The following KCTD10 variants were observed in gnomAD, a reference collection of about 807,000 sequenced individuals.
KCTD10 encodes the protein BTB/POZ domain-containing adapter for CUL3-mediated RhoA degradation protein 3.
KCTD10 carries 13 observed loss-of-function variants against 34.6 expected under a neutral mutation model. That is an observed-to-expected ratio of 0.38 (90% CI 0.24 to 0.60). The LOEUF is 0.60. Among genes scored for constraint, KCTD10 ranks in the 20% least tolerant of loss-of-function variants. The pLI, the probability that KCTD10 is intolerant of heterozygous loss-of-function variation, is 0.66. For missense variants in KCTD10, 256 were observed against 420.3 expected, an observed-to-expected ratio of 0.61 and a Z score of 3.42; for synonymous variants, 156 against 168.8, an observed-to-expected ratio of 0.92 and a Z score of 0.59.
At chr12:109,454,348 A>T (rs1872918623) in intron 6 of KCTD10, among the ~76,000 whole-genome samples, 1 of 152,208 alleles carries the variant, frequency 6.6e-6, no homozygotes, top group Non-Finnish European at 1.5e-5. Flanking sequence ...GCACTTGAGA[A>T]CTGACAAATA....
chr12:109,474,134 C>T (rs917158177), intron 1 of KCTD10, among the ~76,000 whole-genome samples: 1 of 152,050 alleles, frequency 6.6e-6, no homozygotes, highest in Non-Finnish European at 1.5e-5. Context: ...AGGCTGGTCT[C>T]GAACTCCCGA....
intron 2 of KCTD10, among the ~76,000 whole-genome samples, chr12:109,463,215 C>T (rs7967695): frequency 0.037 from 5,631 of 152,252 alleles, 381 homozygotes; most frequent in African/African-American, 0.13. Flanking sequence ...TTGGGAAGAC[C>T]CAGGGCCCTG....
intron 1 of KCTD10, among the ~76,000 whole-genome samples, chr12:109,474,079 C>T (rs564765187): frequency 6.6e-6 from 1 of 152,068 alleles, no homozygotes; most frequent in Non-Finnish European, 1.5e-5. Flanking sequence ...CCGCGACTGG[C>T]TAATTTTGTA....
chr12:109,474,235 G>A (rs1319687963), intron 1 of KCTD10, among the ~76,000 whole-genome samples: 2 of 152,100 alleles, frequency 1.3e-5, no homozygotes, highest in African/African-American at 4.8e-5. Context: ...TTTTTGACTT[G>A]TTTCAAAGGT....
At chr12:109,472,203 T>C (rs1566059494) in intron 1 of KCTD10, among the ~76,000 whole-genome samples, 1 of 152,244 alleles carries the variant, frequency 6.6e-6, no homozygotes, top group Non-Finnish European at 1.5e-5. Context: ...GACCCTTTTG[T>C]AATAACATAG....
At chr12:109,468,231 C>T (rs1192743316) in intron 2 of KCTD10, among the ~76,000 whole-genome samples, 1 of 152,180 alleles carries the variant, frequency 6.6e-6, no homozygotes, top group Non-Finnish European at 1.5e-5. Flanking sequence ...CCTCCAGCCC[C>T]ACACCCTGGC....
At chr12:109,456,050 G>C in intron 6 of KCTD10, 68 bp downstream of exon 6, 1 of 1,459,240 alleles carries the variant, frequency 6.9e-7, no homozygotes, top group African/African-American at 1.4e-5. Flanking sequence ...TTGGGCTCAA[G>C]TGAAAGGAAG....
At chr12:109,467,925 G>A (rs752173188) in intron 2 of KCTD10, among the ~76,000 whole-genome samples, 12 of 152,186 alleles carry the variant, frequency 7.9e-5, no homozygotes, top group Non-Finnish European at 1.2e-4. Context: ...GAGGCCTTTC[G>A]AGGAGAAGAG....
At chr12:109,454,998 A>G (rs936205368) in intron 6 of KCTD10, among the ~76,000 whole-genome samples, 1 of 152,070 alleles carries the variant, frequency 6.6e-6, no homozygotes, top group Admixed American at 6.5e-5. Context: ...AAATCAAACC[A>G]TGACAGAATG....
rs775499604 is a variant in KCTD10 at position 109,457,632 on chromosome 12, G to C, written c.525C>G (p.Thr175=). The C allele has an allele frequency of 3.8e-5, 62 of 1,614,020 alleles. No individual in the cohort carries two copies. In the East Asian group the frequency reaches 8.9e-4, roughly 23 times the overall value. Residue 175 remains threonine (T), a splice_region_variant and synonymous_variant, in exon 5 of 7, where the codon ACC becomes ACG. Coordinates refer to ENST00000228495, the MANE Select transcript of KCTD10 (RefSeq NM_031954.5). ...YNRSNNKYSY[T]SNSDDNMLKN... ...GTCTTTCCCGGCTGACGCCTTACCT[G>C]GTATATGAGTATTTGTTGTTACTTC...
chr12:109,476,672 C>A (rs1874313980), intron 1 of KCTD10, among the ~76,000 whole-genome samples: 1 of 152,046 alleles, frequency 6.6e-6, no homozygotes, highest in Admixed American at 6.5e-5. Flanking sequence ...GCACTGAACG[C>A]ACATCAGCCT....
At chr12:109,459,859 G>A (rs750890033) in intron 3 of KCTD10, among the ~76,000 whole-genome samples, 1 of 152,240 alleles carries the variant, frequency 6.6e-6, no homozygotes, top group Non-Finnish European at 1.5e-5. Flanking sequence ...GTATGGTGGT[G>A]TTTTGATGTT....
At chr12:109,452,205 G>T (rs560748352) in intron 6 of KCTD10, among the ~76,000 whole-genome samples, 77 of 152,298 alleles carry the variant, frequency 5.1e-4, no homozygotes, top group Middle Eastern at 3.4e-3. Context: ...TTAACCTAGA[G>T]ATCATTCTGT....
intron 6 of KCTD10, among the ~76,000 whole-genome samples, chr12:109,452,657 TG>T (rs1256129085): frequency 6.6e-6 from 1 of 152,068 alleles, no homozygotes; most frequent in African/African-American, 2.4e-5. Flanking sequence ...GGCAGGCAGA[TG>T]GGGGAAACAA....
In KCTD10 at chr12:109,451,694, G is replaced by GCGCCCCGC. The variant is rs747070010; in HGVS notation, c.835_842dup (p.Ser282ArgfsTer91). 5.6e-6 allele frequency: 9 copies of GCGCCCCGC among 1,613,836 alleles called. No individual in the cohort carries two copies. Among genetic ancestry groups the GCGCCCCGC allele is most frequent in the Admixed American group, 3.3e-5 (2 of 59,996 alleles). ...CCTCGTCCTCGTCCAGGTGGTGGGA[G>GCGCCCCGC]CGCCCCGCCGCCCCGCCTGTGGCCT... On this transcript the variant is annotated frameshift_variant, in exon 7 of 7. Coordinates refer to ENST00000228495, the MANE Select transcript of KCTD10 (RefSeq NM_031954.5). LOFTEE classifies it high-confidence loss of function. This position sits in a 1 kb window ranked among gnomAD's most constrained non-coding sequence, Gnocchi z 5.0.
chr12:109,474,303 C>T (rs1489505480), intron 1 of KCTD10, among the ~76,000 whole-genome samples: 1 of 152,160 alleles, frequency 6.6e-6, no homozygotes, highest in Admixed American at 6.5e-5. Flanking sequence ...AAATTGGTTA[C>T]ATGAAACAGA....
At chr12:109,457,591 C>T (rs1292339607) in intron 5 of KCTD10, 39 bp downstream of exon 5, 1 of 1,597,990 alleles carries the variant, frequency 6.3e-7, no homozygotes, top group Admixed American at 1.7e-5. Context: ...TGGAGGTTTT[C>T]CTAGTAAATG....
chr12:109,471,031 A>C (rs922767004), intron 1 of KCTD10: 5 of 805,092 alleles, frequency 6.2e-6, no homozygotes, highest in Non-Finnish European at 7.5e-6. Flanking sequence ...CAATGCAACA[A>C]GGAAATAAAC....
chr12:109,473,704 G>A lies in KCTD10; in HGVS notation c.3+3556C>T, dbSNP rs117073374. Among the ~76,000 whole-genome samples, 51 of 152,100 alleles carry A rather than the reference G, an allele frequency of 3.4e-4. No individual in the cohort carries two copies. In the South Asian group the frequency reaches 8.5e-3, roughly 25 times the overall value. On this transcript the variant is annotated intron_variant, in intron 1 of 6. Transcript: ENST00000228495. ...CCAAGTTACAGTGAACTTAGGACACGAGGCAGTGGACCAGAGACCCCCACC... is the reference window on the plus strand; with the variant it reads ...CCAAGTTACAGTGAACTTAGGACACAAGGCAGTGGACCAGAGACCCCCACC...
Sources: allele counts gnomAD v4.1 joint callset (sites outside exome capture counted in the v4.1 genomes callset), GRCh38; gene constraint gnomAD v4.1.1; non-coding constraint Gnocchi (gnomAD v3.1); transcripts MANE v1.5; gene names NCBI Gene and HGNC (gene_info 2026-07-23, HGNC 2026-07-21).